Variants in ANKRD30B observed in about 807,000 individuals in gnomAD.
The protein encoded by ANKRD30B is ankyrin repeat domain 30B, also known as ankyrin repeat domain-containing protein 30B.
Under a neutral mutation model 202.2 loss-of-function variants are expected in ANKRD30B, and 144 were observed. The ratio of observed to expected loss-of-function variants is 0.71; its 90% CI spans 0.62 to 0.82. The LOEUF (loss-of-function observed/expected upper bound fraction) is 0.82, where lower values mean the gene tolerates loss of function less well. Ranked by LOEUF, ANKRD30B falls within the 40% of genes least tolerant of loss-of-function variation. The pLI, the probability that ANKRD30B is intolerant of heterozygous loss-of-function variation, is 0.00. For synonymous variants in ANKRD30B, 508 were observed against 561.3 expected, an observed-to-expected ratio of 0.91 and a Z score of 1.34; for missense variants, 1,487 against 1,669.1, an observed-to-expected ratio of 0.89 and a Z score of 1.90.
chr18:14,825,808 A>T (rs138101066), intron 32 of ANKRD30B, among the ~76,000 whole-genome samples: 1 of 152,364 alleles, frequency 6.6e-6, no homozygotes, highest in Admixed American at 6.5e-5. Context: ...GTGGCAATGG[A>T]AAGATAAAGC....
the ANKRD30B span, among the ~76,000 whole-genome samples, chr18:14,859,911 C>G: frequency 9.3e-6 from 1 of 107,824 alleles, no homozygotes; most frequent in African/African-American, 3.7e-5. Flanking sequence ...AGAGGCACTC[C>G]TCACCTACCA....
chr18:14,824,092 A>G (rs1295289610), intron 32 of ANKRD30B, among the ~76,000 whole-genome samples: 3 of 125,202 alleles, frequency 2.4e-5, no homozygotes, highest in Non-Finnish European at 3.4e-5. Context: ...TACACTGTAC[A>G]TATTATTTTG....
At chr18:14,783,153 C>T (rs116422777) in intron 12 of ANKRD30B, among the ~76,000 whole-genome samples, 1,752 of 152,020 alleles carry the variant, frequency 0.012, 40 homozygotes, top group African/African-American at 0.04. Context: ...ATTTTATTTG[C>T]AATAGGTGAG....
At chr18:14,793,359 A>G (rs1425477107) in intron 16 of ANKRD30B, among the ~76,000 whole-genome samples, 1 of 152,214 alleles carries the variant, frequency 6.6e-6, no homozygotes, top group Non-Finnish European at 1.5e-5. Context: ...GATACAAATT[A>G]TTATAATGTG....
chr18:14,792,580 G>C (rs1968596766), intron 16 of ANKRD30B, among the ~76,000 whole-genome samples: 3 of 151,948 alleles, frequency 2.0e-5, no homozygotes, highest in Middle Eastern at 3.2e-3. Context: ...AAGGAAAATG[G>C]AGTGAATTCA....
At chr18:14,849,088 G>A (rs1971776943) in intron 40 of ANKRD30B, among the ~76,000 whole-genome samples, 159 bp downstream of exon 40, 1 of 151,858 alleles carries the variant, frequency 6.6e-6, no homozygotes, top group South Asian at 2.1e-4. Flanking sequence ...GTTCTTAAAT[G>A]TGAATACTTC....
rs186297731 is a variant in ANKRD30B, at chr18:14,754,680, A to T, written c.511-219A>T. ...CATTACAATATAATGATTTTTGGAG[A>T]TAACCAGAATTAATGTGGTGATGCA... is the stretch of plus-strand genomic sequence containing the variant. On this transcript the variant is annotated intron_variant, in intron 3 of 43. Coordinates refer to ENST00000690538, the MANE Select transcript of ANKRD30B (RefSeq NM_001367607.2). Among the ~76,000 whole-genome samples, 3 of 152,284 alleles carry T rather than the reference A, an allele frequency of 2.0e-5. No homozygotes were observed. In the East Asian group the frequency reaches 5.8e-4, roughly 29 times the overall value.
In ANKRD30B at chr18:14,784,323, T is replaced by G. The variant is rs770639931; in HGVS notation, c.1571-13T>G. On this transcript the variant is annotated splice_polypyrimidine_tract_variant and intron_variant, in intron 12 of 43. Coordinates refer to ENST00000690538, the MANE Select transcript of ANKRD30B (RefSeq NM_001367607.2). ...TTACTTATGATTGATGATAAATCTCTTTTGCATTTTAGAGCTTCCTGAGAA... is the reference window on the plus strand; with the variant it reads ...TTACTTATGATTGATGATAAATCTCGTTTGCATTTTAGAGCTTCCTGAGAA... 1 of 1,611,130 alleles carries G rather than the reference T, an allele frequency of 6.2e-7. No homozygotes were observed. Among genetic ancestry groups the G allele is most frequent in the East Asian group, 2.2e-5 (1 of 44,680 alleles).
intron 34 of ANKRD30B, among the ~76,000 whole-genome samples, chr18:14,835,486 C>T (rs1322627399): frequency 1.3e-5 from 2 of 151,592 alleles, no homozygotes; most frequent in Admixed American, 6.6e-5. Context: ...GTCTTCATAA[C>T]TATTACACCT....
chr18:14,792,021 T>C (rs1006663413), intron 16 of ANKRD30B, among the ~76,000 whole-genome samples: 2 of 152,186 alleles, frequency 1.3e-5, no homozygotes, highest in African/African-American at 4.8e-5. Flanking sequence ...CATGGAGAGC[T>C]GTGTTCTATT....
chr18:14,794,241 T>G (rs1274877995), intron 16 of ANKRD30B, among the ~76,000 whole-genome samples: 2 of 151,844 alleles, frequency 1.3e-5, no homozygotes, highest in Admixed American at 6.6e-5. Flanking sequence ...TCTGCATGGA[T>G]TTTGAACTTC....
At chr18:14,794,152 T>A (rs1598629118) in intron 16 of ANKRD30B, among the ~76,000 whole-genome samples, 2 of 152,124 alleles carry the variant, frequency 1.3e-5, no homozygotes, top group African/African-American at 2.4e-5. Flanking sequence ...GTCCTGATTT[T>A]AAAAAACTCC....
At chr18:14,756,545 A>G (rs1297661012) in intron 4 of ANKRD30B, among the ~76,000 whole-genome samples, 2 of 152,200 alleles carry the variant, frequency 1.3e-5, no homozygotes, top group African/African-American at 4.8e-5. Context: ...TAGGTCTAAC[A>G]TGTAAGTCTT....
At chr18:14,808,949 T>G (rs1238222434) in intron 26 of ANKRD30B, among the ~76,000 whole-genome samples, 1 of 150,876 alleles carries the variant, frequency 6.6e-6, no homozygotes, top group East Asian at 1.9e-4. Context: ...CAGCTTTGCC[T>G]CATGTGGATA....
intron 24 of ANKRD30B, chr18:14,808,292 T>G (rs1454784459): frequency 4.2e-6 from 2 of 474,284 alleles, no homozygotes; most frequent in Non-Finnish European, 8.0e-6. Flanking sequence ...TCTACTTTAG[T>G]TATTGTCAGT....
At chr18:14,932,422 C>T in the ANKRD30B span, among the ~76,000 whole-genome samples, 8 of 152,078 alleles carry the variant, frequency 5.3e-5, no homozygotes, top group East Asian at 5.8e-4. Flanking sequence ...CTGCAAGCTC[C>T]GCCTCCCGGG....
At chr18:14,765,333 C>T (rs143640812) in intron 7 of ANKRD30B, among the ~76,000 whole-genome samples, 22,885 of 151,768 alleles carry the variant, frequency 0.15, 2,196 homozygotes, top group Non-Finnish European at 0.23. Flanking sequence ...CTTGGTGGCA[C>T]GTGCCTGTAA....
In ANKRD30B at chr18:14,772,210, C is replaced by G. The variant is rs1417791139; in HGVS notation, c.1311C>G (p.Asp437Glu). 31 of 1,504,270 alleles carry G rather than the reference C, an allele frequency of 2.1e-5. No homozygotes were observed. The highest frequency in any genetic ancestry group is 2.4e-5 in the Non-Finnish European group (27 of 1,120,116). The allele number at this position is 1,504,270 out of a possible 1,614,324, so 93.2% of individuals were successfully genotyped here. The change falls in exon 9 of 44, where the codon GAC becomes GAG. Residue 437 changes from aspartate to glutamate, a missense_variant. By Grantham distance (45) the Asp-to-Glu change is conservative. This residue lies in a region of ANKRD30B where 889 missense variants were observed against 841.4 expected (regional missense o/e 1.06). Transcript: ENST00000690538. ...ENSQCTKVEE[D>E]FNLATKIISK... ...CACAGTGTACAAAAGTTGAGGAAGA[C>G]TTTAATCTTGCTACCAAGGTAAAAT...
At chr18:14,886,508 T>C in the ANKRD30B span, among the ~76,000 whole-genome samples, 1 of 152,090 alleles carries the variant, frequency 6.6e-6, no homozygotes, top group African/African-American at 2.4e-5. Context: ...CTACTAAATA[T>C]TGGTTTTGCC....
Sources: gnomAD v4.1 joint callset for allele counts (sites outside exome capture counted in the v4.1 genomes callset) on GRCh38, gnomAD v4.1.1 for gene constraint, gnomAD v4.1.1 regional missense constraint, MANE v1.5 for transcripts, NCBI Gene and HGNC (gene_info 2026-07-23, HGNC 2026-07-21) for gene names.